EYS: variants seen among roughly 807,000 people sequenced by gnomAD.
EYS encodes EGF-like photoreceptor maintenance factor, also known as protein eyes shut homolog.
A neutral mutation model predicts 282.1 loss-of-function variants in EYS; 250 were observed. The observed-to-expected ratio is 0.89, with a 90% CI of 0.80 to 0.98. The LOEUF is 0.98. Among genes scored for constraint, EYS ranks in the 50% least tolerant of loss-of-function variants. The pLI is 0.00. For synonymous variants in EYS, 1,355 were observed against 1,282.9 expected (o/e 1.06, Z -1.20); for missense variants, 4,016 against 3,709.0 (o/e 1.08, Z -2.15).
At chr6:64,527,346 C>T (rs1387728119) in intron 26 of EYS, among the ~76,000 whole-genome samples, 1 of 151,724 alleles carries the variant, frequency 6.6e-6, no homozygotes, top group Non-Finnish European at 1.5e-5. Context: ...GGCCTAAGGG[C>T]CTTCTTCTGT....
chr6:64,590,017 T>C (rs1307940118), intron 26 of EYS, among the ~76,000 whole-genome samples: 3 of 152,126 alleles, frequency 2.0e-5, no homozygotes, highest in Non-Finnish European at 4.4e-5. Flanking sequence ...CCTACTACTG[T>C]ATTGATCTGG....
intron 2 of EYS, among the ~76,000 whole-genome samples, chr6:65,534,446 C>T (rs959743881): frequency 6.6e-6 from 1 of 151,932 alleles, no homozygotes; most frequent in Non-Finnish European, 1.5e-5. Context: ...GACTATGAGC[C>T]GGAATATACA....
At chr6:65,204,122 T>C (rs1241777174) in intron 12 of EYS, among the ~76,000 whole-genome samples, 1 of 152,002 alleles carries the variant, frequency 6.6e-6, no homozygotes, top group Non-Finnish European at 1.5e-5. Flanking sequence ...CTAGTAAAAC[T>C]ATGAAAAACA....
intron 10 of EYS, among the ~76,000 whole-genome samples, chr6:65,338,779 T>C (rs185035244): frequency 1.3e-4 from 20 of 151,240 alleles, no homozygotes; most frequent in Non-Finnish European, 2.1e-4. Flanking sequence ...AAATTCCCTT[T>C]TTGATAATTC....
At chr6:65,282,035 T>A (rs1768236284) in intron 12 of EYS, among the ~76,000 whole-genome samples, 1 of 151,394 alleles carries the variant, frequency 6.6e-6, no homozygotes, top group Non-Finnish European at 1.5e-5. Context: ...ACGATTCAAG[T>A]CATAGCAACA....
In EYS at chr6:64,798,607, G is replaced by T. The variant is rs867890151; in HGVS notation, c.3443+14771C>A. Reference sequence around the variant, plus strand: ...CATTCTGCCTGTTTCTTTGTTTCTGGTTTTTTTTTTTTTTTTTTTTGCATC... The same window carrying T: ...CATTCTGCCTGTTTCTTTGTTTCTGTTTTTTTTTTTTTTTTTTTTTGCATC... On this transcript the variant is annotated intron_variant, in intron 22 of 42. Coordinates refer to ENST00000503581, the MANE Select transcript of EYS (RefSeq NM_001142800.2). Among the ~76,000 whole-genome samples the T allele has an allele frequency of 7.2e-3, 770 of 106,828 alleles. 5 individuals carry two copies. The highest frequency in any genetic ancestry group is 0.041 in the Middle Eastern group (7 of 170). 70.1% of individuals were successfully genotyped at this position (106,828 alleles called of 152,430 possible). A position where few individuals can be genotyped will look rare whatever the true frequency, so the allele number is the denominator to read the frequency against.
chr6:64,510,058 G>A (rs941315324), intron 26 of EYS, among the ~76,000 whole-genome samples: 1 of 152,002 alleles, frequency 6.6e-6, no homozygotes, highest in Non-Finnish European at 1.5e-5. Flanking sequence ...GCAGCAAATG[G>A]TTGCATATTG....
intron 12 of EYS, among the ~76,000 whole-genome samples, chr6:65,251,772 A>G (rs1418007586): frequency 6.6e-6 from 1 of 152,016 alleles, no homozygotes; most frequent in African/African-American, 2.4e-5. Context: ...TTAGAGAGTG[A>G]TGGGAGAACT....
chr6:64,601,947 A>G (rs1766774159), intron 24 of EYS, among the ~76,000 whole-genome samples: 1 of 152,002 alleles, frequency 6.6e-6, no homozygotes, highest in South Asian at 2.1e-4. Flanking sequence ...GATACATCTG[A>G]CAGCACATCC....
At chr6:65,288,968 G>C (rs1768446847) in intron 12 of EYS, among the ~76,000 whole-genome samples, 1 of 150,694 alleles carries the variant, frequency 6.6e-6, no homozygotes, top group Admixed American at 6.6e-5. Context: ...AAATTGGACA[G>C]ACAAAATAAT....
chr6:65,443,867 GA>G (rs1215729590), intron 5 of EYS, among the ~76,000 whole-genome samples: 2 of 151,516 alleles, frequency 1.3e-5, no homozygotes, highest in East Asian at 1.9e-4. Context: ...TAAATTAAAT[GA>G]AAAAAATCTA....
chr6:64,692,119 C>T (rs1770408639), intron 22 of EYS, among the ~76,000 whole-genome samples: 1 of 152,158 alleles, frequency 6.6e-6, no homozygotes, highest in Non-Finnish European at 1.5e-5. Flanking sequence ...TTCTCATCAC[C>T]AGTAAATAAG....
chr6:64,177,494 T>C (rs948887899), intron 31 of EYS, among the ~76,000 whole-genome samples: 4 of 152,246 alleles, frequency 2.6e-5, no homozygotes, highest in Non-Finnish European at 5.9e-5. Context: ...TGAAATGTCA[T>C]TAATCCCTTG....
intron 22 of EYS, among the ~76,000 whole-genome samples, chr6:64,758,741 T>C (rs1201938733): frequency 6.6e-6 from 1 of 152,174 alleles, no homozygotes; most frequent in African/African-American, 2.4e-5. Flanking sequence ...GAGATGGAGC[T>C]AAAGTCTATT....
chr6:64,177,605 T>C, intron 31 of EYS, among the ~76,000 whole-genome samples: 1 of 152,156 alleles, frequency 6.6e-6, no homozygotes, highest in East Asian at 1.9e-4. Context: ...TAATTTTTGG[T>C]TATCCTCATC....
At chr6:64,770,808 A>T (rs1773502471) in intron 22 of EYS, among the ~76,000 whole-genome samples, 1 of 151,940 alleles carries the variant, frequency 6.6e-6, no homozygotes, top group African/African-American at 2.4e-5. Context: ...AAAGCATTTT[A>T]AAAATATTGA....
chr6:64,817,576 T>C (rs1450709760), intron 21 of EYS, among the ~76,000 whole-genome samples: 1 of 152,084 alleles, frequency 6.6e-6, no homozygotes, highest in Non-Finnish European at 1.5e-5. Context: ...TAGCATAAAA[T>C]AGGTCATTTT....
intron 33 of EYS, among the ~76,000 whole-genome samples, chr6:64,031,422 C>A (rs991469865): frequency 2.0e-5 from 3 of 152,218 alleles, no homozygotes; most frequent in African/African-American, 7.2e-5. Context: ...TCCATGGGCT[C>A]CTGTGCGGCC....
At chr6:64,402,213 T>C (rs967376669) in intron 28 of EYS, among the ~76,000 whole-genome samples, 2 of 152,214 alleles carry the variant, frequency 1.3e-5, no homozygotes, top group African/African-American at 4.8e-5. Context: ...CTAACACCAT[T>C]AAAGTGTGCC....
Sources: allele counts gnomAD v4.1 joint callset (sites outside exome capture counted in the v4.1 genomes callset), GRCh38; gene constraint gnomAD v4.1.1; transcripts MANE v1.5; gene names NCBI Gene and HGNC (gene_info 2026-07-23, HGNC 2026-07-21).